STRC: variants seen among roughly 807,000 people sequenced by gnomAD.
STRC encodes stereocilin.
In STRC, 43 loss-of-function variants were observed where a neutral mutation model predicts 103.5. That is an observed-to-expected ratio of 0.42 (90% CI 0.33 to 0.54). STRC has a LOEUF of 0.54. Ranked by LOEUF, STRC falls within the 20% of genes least tolerant of loss-of-function variation. The probability of loss-of-function intolerance (pLI) is 0.14; values close to 1 mark genes in which losing one functional copy is unlikely to be tolerated. For missense variants in STRC, 499 were observed against 1,088.5 expected (o/e 0.46, Z 7.62); for synonymous variants, 186 against 442.3 (o/e 0.42, Z 7.27).
At position 43,603,109 on chromosome 15, in the gene STRC, G is replaced by C. The variant is rs1221314120; in HGVS notation, c.4545+133C>G. ...ATTTATCTCCCTTCACCTCCTACTTGTGACCCAAATCTTCTAACTCTTCTA... is the reference window on the plus strand; with the variant it reads ...ATTTATCTCCCTTCACCTCCTACTTCTGACCCAAATCTTCTAACTCTTCTA... On this transcript the variant is annotated intron_variant, in intron 23 of 28. Transcript: ENST00000450892. The C allele has an allele frequency of 4.2e-6, 4 of 962,788 alleles. No homozygotes were observed. The African/African-American group carries it at 6.4e-5, about 15-fold the overall frequency. 59.6% of individuals were successfully genotyped at this position (962,788 alleles called of 1,614,324 possible).
chr15:43,605,023 A>G (rs1567117829), intron 19 of STRC, 177 bp from the exon 20 acceptor site: 2 of 1,111,784 alleles, frequency 1.8e-6, no homozygotes, highest in Non-Finnish European at 2.6e-6. Flanking sequence ...AGCAGGCAGA[A>G]AGACTGAGAG....
At chr15:43,607,015 GAAAA>G (rs897389576) in intron 18 of STRC, among the ~76,000 whole-genome samples, 1 of 147,886 alleles carries the variant, frequency 6.8e-6, no homozygotes, top group African/African-American at 2.5e-5. Context: ...AAAAAAAAAA[GAAAA>G]AAAAGAAAAA....
intron 24 of STRC, 57 bp downstream of exon 24, chr15:43,601,339 G>T: frequency 1.2e-6 from 2 of 1,608,868 alleles, no homozygotes; most frequent in South Asian, 1.1e-5. Context: ...ATGATCTATA[G>T]GGCTGGGTCT....
chr15:43,603,476 T>C, intron 22 of STRC, 65 bp from the exon 23 acceptor site: 2 of 1,538,792 alleles, frequency 1.3e-6, no homozygotes, highest in South Asian at 2.2e-5. Context: ...GAGATATCTG[T>C]AGATAGAGTG....
rs377674360 is a variant in STRC at position 43,604,422 on chromosome 15, A to G, written c.4157T>C (p.Val1386Ala). 4.0e-4 allele frequency: 635 copies of G among 1,584,908 alleles called. 12 individuals carry two copies. In the Admixed American group the frequency reaches 7.4e-3, roughly 18 times the overall value. ...GKPELWSQDEVEQAGRLVFTL... is the reference protein window; with the variant it reads ...GKPELWSQDEAEQAGRLVFTL... ...GAATACTAGGCGTCCAGCTTGCTCT[A>G]CTTCATCCTGGCTCCACAACTCTGG... Residue 1386 changes from valine to alanine, a missense_variant, in exon 21 of 29, where the codon GTA becomes GCA. Physicochemically the swap from Val to Ala is moderately conservative, Grantham distance 64 (BLOSUM62 0). Coordinates refer to ENST00000450892, the MANE Select transcript of STRC (RefSeq NM_153700.2).
chr15:43,603,476 T>A, intron 22 of STRC, 65 bp from the exon 23 acceptor site: 2 of 1,538,792 alleles, frequency 1.3e-6, no homozygotes, highest in Non-Finnish European at 1.8e-6. Context: ...GAGATATCTG[T>A]AGATAGAGTG....
intron 15 of STRC, chr15:43,609,535 G>T: frequency 1.6e-6 from 1 of 608,100 alleles, no homozygotes; most frequent in South Asian, 1.9e-5. Flanking sequence ...GAAAGAAAAA[G>T]AAAAGCAAGT....
chr15:43,608,068 A>T lies in STRC; in HGVS notation c.3681+12T>A. 6.2e-7 allele frequency: 1 copy of T among 1,610,282 alleles called. No individual in the cohort carries two copies. The highest frequency in any genetic ancestry group is 8.5e-7 in the Non-Finnish European group (1 of 1,179,376). On this transcript the variant is annotated intron_variant, in intron 17 of 28. Coordinates refer to ENST00000450892, the MANE Select transcript of STRC (RefSeq NM_153700.2). ...TCCCTGCTCCCACTAAAGTCCAGGC[A>T]CCCCCTCTCACCAGGCTCCCTCGAA...
chr15:43,603,444 G>A lies in STRC; in HGVS notation c.4376-33C>T, dbSNP rs28495368. 0.13 allele frequency: 206,865 copies of A among 1,605,656 alleles called. 21,108 individuals are homozygous for A. The highest frequency in any genetic ancestry group is 0.47 in the African/African-American group (35,035 of 74,574). On this transcript the variant is annotated intron_variant, in intron 22 of 28. Coordinates refer to ENST00000450892, the MANE Select transcript of STRC (RefSeq NM_153700.2). The stretch of plus-strand genomic sequence containing the variant: ...GGGAAGGCAGGGCCAGGAGGTCAGC[G>A]CAGTAATAAAATATGCCCAGAGAGA...
At chr15:43,601,983 G>GGTGGT (rs2085672663) in intron 23 of STRC, among the ~76,000 whole-genome samples, 1 of 151,396 alleles carries the variant, frequency 6.6e-6, no homozygotes, top group African/African-American at 2.4e-5. Context: ...AGCCAGGTGT[G>GGTGGT]GTGCACCTGT....
At position 43,603,267 on chromosome 15, in the gene STRC, C is replaced by T. The variant is rs780140943; in HGVS notation, c.4520G>A (p.Arg1507Gln). Residue 1507 changes from arginine (R) to glutamine (Q), a missense_variant, in exon 23 of 29, where the codon CGG becomes CAG. Transcript: ENST00000450892. ...CTGTTTTGCTTTGCCCATGGCTGCC[C>T]GCAGTTCCTCAGGCCCAAGTCCTGG... ...GDPGLGPEEL[R>Q]AAMGKAKQLW... 64 of 1,613,534 alleles carry T rather than the reference C, an allele frequency of 4.0e-5. No homozygotes were observed. Among genetic ancestry groups the T allele is most frequent in the Non-Finnish European group, 4.9e-5 (58 of 1,179,820 alleles).
Position 43,604,250 on chromosome 15 carries a change from C to T in STRC, c.4219-98G>A, listed in dbSNP as rs570044680. The T allele has an allele frequency of 5.6e-6, 9 of 1,593,450 alleles. No individual in the cohort carries two copies. The East Asian group carries it at 2.0e-4, about 36-fold the overall frequency. On this transcript the variant is annotated intron_variant, in intron 21 of 28. Transcript: ENST00000450892. The stretch of plus-strand genomic sequence containing the variant: ...AAGTCCTGTCTCTGTTTTGCAGTCT[C>T]CCCCCAGATCTAGGCTTCATATCCT...
chr15:43,600,515 C>T lies in STRC; in HGVS notation c.4993+19G>A, dbSNP rs746259204. ...TAGAAACCAAACCAACTTGCACCAG[C>T]AGTGGCCCAGCTCCCCACCTGCTAT... is the stretch of plus-strand genomic sequence containing the variant. On this transcript the variant is annotated intron_variant, in intron 26 of 28. Transcript: ENST00000450892. 1 of 1,611,540 alleles carries T rather than the reference C, an allele frequency of 6.2e-7. No homozygotes were observed. The highest frequency in any genetic ancestry group is 8.5e-7 in the Non-Finnish European group (1 of 1,178,294).
chr15:43,602,121 CAAAAA>C (rs35561492), intron 23 of STRC, among the ~76,000 whole-genome samples: 5 of 38,270 alleles, frequency 1.3e-4, no homozygotes, highest in Admixed American at 8.1e-4. Flanking sequence ...GACTCTGTCT[CAAAAA>C]AAAAAAAAAA....
In STRC at chr15:43,604,166, T is replaced by C. The variant is rs775041367; in HGVS notation, c.4219-14A>G. ...ACCCAAGGCCTCCTGCATGAGAAGG[T>C]AGAAGGAGAGTGGGGAGATCTGGAC... On this transcript the variant is annotated splice_polypyrimidine_tract_variant and intron_variant, in intron 21 of 28. Coordinates refer to ENST00000450892, the MANE Select transcript of STRC (RefSeq NM_153700.2). 4.4e-6 allele frequency: 7 copies of C among 1,608,736 alleles called. No homozygotes were observed. The Admixed American group carries it at 6.7e-5, about 15-fold the overall frequency.
chr15:43,605,005 C>G, intron 19 of STRC, 159 bp from the exon 20 acceptor site: 1 of 1,241,924 alleles, frequency 8.1e-7, no homozygotes, highest in Non-Finnish European at 1.1e-6. Context: ...GCAATGAGCC[C>G]AGATAGGAGC....
intron 23 of STRC, chr15:43,602,778 G>A (rs2447197): frequency 0.19 from 37,111 of 191,960 alleles, 5,992 homozygotes; most frequent in African/African-American, 0.46. Flanking sequence ...CCAAGTAGCT[G>A]GGACAACAAG....
intron 21 of STRC, 82 bp from the exon 22 acceptor site, chr15:43,604,234 C>A: frequency 1.9e-6 from 3 of 1,599,740 alleles, no homozygotes; most frequent in Non-Finnish European, 2.6e-6. Context: ...AAAGTCCTGT[C>A]TCTGTTTTGC....
chr15:43,603,362 C>T lies in STRC; in HGVS notation c.4425G>A (p.Trp1475Ter). Residue 1475 changes from tryptophan (W) to a stop codon, truncating the protein, a stop_gained, in exon 23 of 29, where the codon TGG becomes TGA. Transcript: ENST00000450892. LOFTEE classifies it high-confidence loss of function. The part of the protein sequence containing the change: ...ADVRGTFPAA[W>*]SATQIAEMEL... The stretch of plus-strand genomic sequence containing the variant: ...CCATCTCTGCAATCTGGGTTGCAGA[C>T]CAGGCTGCTGGGAATGTCCCTCGTA... 1 of 1,613,796 alleles carries T rather than the reference C, an allele frequency of 6.2e-7. No individual in the cohort carries two copies. Among genetic ancestry groups the T allele is most frequent in the East Asian group, 2.2e-5 (1 of 44,870 alleles).
Sources: allele counts gnomAD v4.1 joint callset (sites outside exome capture counted in the v4.1 genomes callset), GRCh38; gene constraint gnomAD v4.1.1; transcripts MANE v1.5; gene names NCBI Gene and HGNC (gene_info 2026-07-23, HGNC 2026-07-21).